The following CALD1 variants were observed in gnomAD, a reference collection of about 807,000 sequenced individuals.
The protein encoded by CALD1 is caldesmon.
CALD1 carries 33 observed loss-of-function variants against 99.9 expected under a neutral mutation model. That is an observed-to-expected ratio of 0.33 (90% CI 0.25 to 0.44). CALD1 has a LOEUF of 0.44. CALD1 is among the 20% of genes least tolerant of loss of function. The pLI is 1.00. For missense variants in CALD1, 861 were observed against 962.1 expected, an observed-to-expected ratio of 0.89 and a Z score of 1.39; for synonymous variants, 310 against 325.0, an observed-to-expected ratio of 0.95 and a Z score of 0.50.
intron 1 of CALD1, among the ~76,000 whole-genome samples, chr7:134,789,449 G>A (rs3778843): frequency 0.078 from 11,882 of 152,222 alleles, 590 homozygotes; most frequent in Non-Finnish European, 0.11. Context: ...AACAAACTTT[G>A]GAGTCAGGAG....
At chr7:134,779,863 A>T (rs1156991307) in intron 1 of CALD1, 114 bp downstream of exon 1, 1 of 394,624 alleles carries the variant, frequency 2.5e-6, no homozygotes, top group African/African-American at 2.1e-5. Context: ...TGTTCAAGGC[A>T]ATAAACCATG....
At chr7:134,712,387 G>A in the CALD1 span, among the ~76,000 whole-genome samples, 5 of 152,104 alleles carry the variant, frequency 3.3e-5, no homozygotes, top group Admixed American at 6.5e-5. Flanking sequence ...GATGGGACCC[G>A]GAAGACAAAT....
At position 134,958,302 on chromosome 7, in the gene CALD1, C is replaced by T. The variant is rs1449890866; in HGVS notation, c.2061+12C>T. 2 of 1,604,202 alleles carry T rather than the reference C, an allele frequency of 1.2e-6. No homozygotes were observed. Among genetic ancestry groups the T allele is most frequent in the Admixed American group, 3.3e-5 (2 of 60,002 alleles). On this transcript the variant is annotated intron_variant, in intron 11 of 14. Transcript: ENST00000361675. ...CCAGTGCAATTGAGGTGAGAATTGT[C>T]CTCAGCGTTATGGTCCTGCTGAACA... is the stretch of plus-strand genomic sequence containing the variant.
intron 9 of CALD1, among the ~76,000 whole-genome samples, chr7:134,956,800 T>G (rs572956617): frequency 1.2e-4 from 18 of 152,192 alleles, no homozygotes; most frequent in Non-Finnish European, 2.4e-4. Flanking sequence ...GCACATGCAG[T>G]CATAAGCAAA....
chr7:134,767,056 A>G (rs1033717695), intron 1 of CALD1, among the ~76,000 whole-genome samples: 1 of 152,212 alleles, frequency 6.6e-6, no homozygotes, highest in African/African-American at 2.4e-5. Flanking sequence ...GGACCAACAG[A>G]GAGACGAAAG....
rs1314648526 is a variant in CALD1 at position 134,969,814 on chromosome 7, A to C, written c.*1469A>C. On this transcript the variant is annotated 3_prime_UTR_variant, in exon 15 of 15. Coordinates refer to ENST00000361675, the MANE Select transcript of CALD1 (RefSeq NM_033138.4). ...CTTTATTCTTCACAGTAGATAATGA[A>C]AGAGTCCTCCAGTGTCTTGGCAAAA... 1.3e-5 allele frequency: 2 copies of C among 152,606 alleles called. No homozygotes were observed. The highest frequency in any genetic ancestry group is 1.3e-4 in the Admixed American group (2 of 15,274). 9.5% of individuals were successfully genotyped at this position (152,606 alleles called of 1,614,324 possible).
At chr7:134,849,353 T>C (rs924416833) in intron 2 of CALD1, among the ~76,000 whole-genome samples, 1 of 152,216 alleles carries the variant, frequency 6.6e-6, no homozygotes, top group Non-Finnish European at 1.5e-5. Context: ...TATAATGTAG[T>C]TCCAAGTATG....
At chr7:134,863,096 T>C (rs1800631702) in intron 2 of CALD1, among the ~76,000 whole-genome samples, 2 of 152,264 alleles carry the variant, frequency 1.3e-5, no homozygotes, top group African/African-American at 2.4e-5. Flanking sequence ...CACCATCATA[T>C]TGGATAAGGG....
chr7:134,731,214 C>G, the CALD1 span, among the ~76,000 whole-genome samples: 2 of 152,314 alleles, frequency 1.3e-5, no homozygotes, highest in African/African-American at 4.8e-5. Context: ...CTGGATCTTG[C>G]TCCTCTGTAA....
In CALD1 at chr7:134,928,785, G is replaced by A. The variant is rs776258921; in HGVS notation, c.103G>A (p.Glu35Lys). 3 of 1,613,870 alleles carry A rather than the reference G, an allele frequency of 1.9e-6. No individual in the cohort carries two copies. The highest frequency in any genetic ancestry group is 1.7e-6 in the Non-Finnish European group (2 of 1,179,958). ...IAYQRNDDDE[E>K]EAARERRRRA... ...CTACCAGAGGAATGACGATGATGAA[G>A]AGGAGGCAGCCCGGGAACGGCGCCG... Residue 35 changes from glutamate (E) to lysine (K), a missense_variant, in exon 4 of 15, where the codon GAG (glutamate) becomes AAG (lysine). Around this residue, in one of 5 missense-constraint regions of CALD1, gnomAD observed 123 missense variants for 169.8 expected, o/e 0.72. Coordinates refer to ENST00000361675, the MANE Select transcript of CALD1 (RefSeq NM_033138.4).
chr7:134,738,494 G>A, the CALD1 span, among the ~76,000 whole-genome samples: 7 of 152,096 alleles, frequency 4.6e-5, no homozygotes, highest in Non-Finnish European at 7.4e-5. Context: ...CACGTGTTGC[G>A]TGTGGAATAG....
At chr7:134,856,427 T>C (rs1011814942) in intron 2 of CALD1, among the ~76,000 whole-genome samples, 2 of 152,150 alleles carry the variant, frequency 1.3e-5, no homozygotes, top group Non-Finnish European at 2.9e-5. Context: ...TCCAGAACGG[T>C]GCCTTATGTT....
At chr7:134,966,527 G>A (rs1808692400) in intron 14 of CALD1, among the ~76,000 whole-genome samples, 1 of 152,170 alleles carries the variant, frequency 6.6e-6, no homozygotes, top group South Asian at 2.1e-4. Context: ...CAGTCACCAT[G>A]TGAGGTAAGT....
At chr7:134,932,501 T>C (rs1805596549) in intron 4 of CALD1, among the ~76,000 whole-genome samples, 1 of 152,242 alleles carries the variant, frequency 6.6e-6, no homozygotes, top group East Asian at 1.9e-4. Context: ...AGTCGTTTAT[T>C]TGTAAGGTGA....
chr7:134,926,719 T>C (rs1243254926), intron 3 of CALD1, among the ~76,000 whole-genome samples: 2 of 152,218 alleles, frequency 1.3e-5, no homozygotes, highest in Admixed American at 6.5e-5. Flanking sequence ...TAGGTTAATA[T>C]ATGGTATAAG....
intron 1 of CALD1, among the ~76,000 whole-genome samples, chr7:134,840,287 T>C (rs1159456548): frequency 1.3e-5 from 2 of 152,210 alleles, no homozygotes; most frequent in Non-Finnish European, 2.9e-5. Context: ...CGGGATGATG[T>C]TACTTTTCTA....
intron 2 of CALD1, among the ~76,000 whole-genome samples, chr7:134,866,426 A>G (rs188371729): frequency 4.8e-4 from 73 of 152,288 alleles, no homozygotes; most frequent in Admixed American, 4.8e-3. Context: ...ATAATACCCT[A>G]GAGGATAAAA....
chr7:134,828,490 T>G (rs1799093697), intron 1 of CALD1, among the ~76,000 whole-genome samples: 1 of 152,156 alleles, frequency 6.6e-6, no homozygotes, highest in Non-Finnish European at 1.5e-5. Context: ...GGAGAGGAAA[T>G]CAGAACAAAA....
intron 1 of CALD1, among the ~76,000 whole-genome samples, chr7:134,782,389 A>T (rs907559948): frequency 1.3e-5 from 2 of 152,234 alleles, no homozygotes; most frequent in African/African-American, 4.8e-5. Flanking sequence ...GCCTGAGAAG[A>T]TACCATTAGC....
Sources: gnomAD v4.1 joint callset for allele counts (sites outside exome capture counted in the v4.1 genomes callset) on GRCh38, gnomAD v4.1.1 for gene constraint, gnomAD v4.1.1 regional missense constraint, MANE v1.5 for transcripts, NCBI Gene and HGNC (gene_info 2026-07-23, HGNC 2026-07-21) for gene names.